Variants in WDR35 observed in about 807,000 individuals in gnomAD.
The protein encoded by WDR35 is WD repeat-containing protein 35.
WDR35 carries 118 observed loss-of-function variants against 158.3 expected under a neutral mutation model. The ratio of observed to expected loss-of-function variants is 0.75; its 90% CI spans 0.64 to 0.87. WDR35 has a LOEUF of 0.87. WDR35 is among the 40% of genes least tolerant of loss of function. The pLI, the probability that WDR35 is intolerant of heterozygous loss-of-function variation, is 0.00. For missense variants in WDR35, 1,263 were observed against 1,405.8 expected, an observed-to-expected ratio of 0.90 and a Z score of 1.62; for synonymous variants, 448 against 476.1, an observed-to-expected ratio of 0.94 and a Z score of 0.77.
intron 25 of WDR35, 131 bp downstream of exon 25, chr2:19,930,265 C>T: frequency 7.2e-7 from 1 of 1,391,114 alleles, no homozygotes; most frequent in Non-Finnish European, 1.0e-6. Context: ...GCATAAGACT[C>T]AAACATAGGA....
chr2:19,923,605 C>T (rs1359901486), intron 25 of WDR35, among the ~76,000 whole-genome samples: 2 of 152,178 alleles, frequency 1.3e-5, no homozygotes, highest in African/African-American at 4.8e-5. Context: ...AAGAAAATGA[C>T]CCTCCAGATC....
chr2:19,938,425 A>G (rs1012426640), intron 17 of WDR35, 24 bp from the exon 18 acceptor site: 1 of 1,612,888 alleles, frequency 6.2e-7, no homozygotes, highest in Non-Finnish European at 8.5e-7. Context: ...TGAAAACAAA[A>G]AAATTCAAAT....
intron 11 of WDR35, among the ~76,000 whole-genome samples, chr2:19,958,293 T>A (rs776586223): frequency 2.0e-5 from 3 of 152,186 alleles, no homozygotes; most frequent in African/African-American, 4.8e-5. Flanking sequence ...CCTTGAAATA[T>A]CACCTAAAGA....
At chr2:19,962,260 T>C (rs774304827) in intron 10 of WDR35, 9 of 1,612,164 alleles carry the variant, frequency 5.6e-6, no homozygotes, top group Admixed American at 1.7e-5. Flanking sequence ...TTTTATCCTA[T>C]GATCAGCTAT....
At chr2:19,917,225 A>G (rs1183109980) in intron 25 of WDR35, among the ~76,000 whole-genome samples, 1 of 152,176 alleles carries the variant, frequency 6.6e-6, no homozygotes, top group East Asian at 1.9e-4. Context: ...CCACTCAGAG[A>G]CCCCATCCGA....
chr2:19,940,189 C>CA (rs1197342596), intron 17 of WDR35, among the ~76,000 whole-genome samples: 1,120 of 80,160 alleles, frequency 0.014, 27 homozygotes, highest in Admixed American at 0.056. Context: ...CCCATCTCTA[C>CA]AAAAAAAAAA....
intron 25 of WDR35, among the ~76,000 whole-genome samples, chr2:19,917,773 T>G (rs1670034205): frequency 6.6e-6 from 1 of 152,130 alleles, no homozygotes; most frequent in South Asian, 2.1e-4. Flanking sequence ...GTTTGATTGG[T>G]GTACCTGAAA....
chr2:19,952,708 C>T (rs918875591), intron 12 of WDR35, among the ~76,000 whole-genome samples: 2 of 151,772 alleles, frequency 1.3e-5, no homozygotes, highest in African/African-American at 2.4e-5. Context: ...CTTCCAGCAC[C>T]ACTGAGAACA....
intron 25 of WDR35, among the ~76,000 whole-genome samples, chr2:19,918,945 T>A (rs1670073469): frequency 6.6e-6 from 1 of 152,166 alleles, no homozygotes; most frequent in Non-Finnish European, 1.5e-5. Context: ...AGAATATACA[T>A]TCTTCTCAGC....
At chr2:19,987,210 G>A (rs1672594253) in intron 2 of WDR35, among the ~76,000 whole-genome samples, 1 of 152,198 alleles carries the variant, frequency 6.6e-6, no homozygotes, top group South Asian at 2.1e-4. Flanking sequence ...TAGAAAGCAG[G>A]CATGCAATAT....
chr2:19,988,020 T>A (rs1672627082), intron 2 of WDR35, among the ~76,000 whole-genome samples: 1 of 152,202 alleles, frequency 6.6e-6, no homozygotes, highest in African/African-American at 2.4e-5. Context: ...TAAGCCAAAC[T>A]TTAATTGGTA....
At chr2:19,941,611 C>T in intron 17 of WDR35, 148 bp downstream of exon 17, 2 of 566,332 alleles carry the variant, frequency 3.5e-6, no homozygotes, top group Non-Finnish European at 3.2e-6. Flanking sequence ...GTGGCACCCA[C>T]CTAAAGGCTG....
At chr2:19,953,072 T>C (rs2103425489) in intron 12 of WDR35, among the ~76,000 whole-genome samples, 1 of 152,256 alleles carries the variant, frequency 6.6e-6, no homozygotes, top group East Asian at 1.9e-4. Context: ...ACCACTCACT[T>C]CCACCAACAC....
At chr2:19,966,631 A>C (rs1671861734) in intron 10 of WDR35, 93 bp downstream of exon 10, 1 of 1,428,780 alleles carries the variant, frequency 7.0e-7, no homozygotes, top group African/African-American at 1.4e-5. Context: ...GTTTTGATGT[A>C]CTTGCCAGTG....
chr2:19,973,791 C>T, intron 7 of WDR35, 83 bp from the exon 8 acceptor site: 1 of 1,527,554 alleles, frequency 6.5e-7, no homozygotes, highest in Non-Finnish European at 8.9e-7. Flanking sequence ...AACTTTTAAA[C>T]ATTTTTAAAA....
At chr2:19,941,318 TA>T (rs1347673322) in intron 17 of WDR35, among the ~76,000 whole-genome samples, 2 of 151,842 alleles carry the variant, frequency 1.3e-5, no homozygotes, top group Non-Finnish European at 1.5e-5. Context: ...GATAGATCTC[TA>T]AAAAAAAGTT....
At chr2:19,927,482 T>C (rs1010340761) in intron 25 of WDR35, among the ~76,000 whole-genome samples, 8 of 152,204 alleles carry the variant, frequency 5.3e-5, no homozygotes, top group African/African-American at 1.9e-4. Flanking sequence ...TATGTTCAGA[T>C]GGTCTCAACA....
chr2:19,984,036 T>TAC, intron 2 of WDR35, among the ~76,000 whole-genome samples: 1 of 5,074 alleles, frequency 2.0e-4, no homozygotes, highest in African/African-American at 2.6e-4. Flanking sequence ...TATATATATA[T>TAC]ATATACATAT....
intron 6 of WDR35, among the ~76,000 whole-genome samples, chr2:19,974,881 A>G (rs1672156367): frequency 6.6e-6 from 1 of 152,236 alleles, no homozygotes. Context: ...ACAAGTATAT[A>G]AAAGTACTTT....
Sources: gnomAD v4.1 joint callset for allele counts (sites outside exome capture counted in the v4.1 genomes callset) on GRCh38, gnomAD v4.1.1 for gene constraint, MANE v1.5 for transcripts, NCBI Gene and HGNC (gene_info 2026-07-23, HGNC 2026-07-21) for gene names.